Variants in ZDHHC14 observed in about 807,000 individuals in gnomAD.
The protein encoded by ZDHHC14 is zDHHC palmitoyltransferase 14.
A neutral mutation model predicts 47.7 loss-of-function variants in ZDHHC14; 16 were observed. The ratio of observed to expected loss-of-function variants is 0.34; its 90% CI spans 0.23 to 0.51. The LOEUF (loss-of-function observed/expected upper bound fraction) is 0.51, where lower values mean the gene tolerates loss of function less well. Among genes scored for constraint, ZDHHC14 ranks in the 20% least tolerant of loss-of-function variants. ZDHHC14 has a pLI of 0.97. For synonymous variants in ZDHHC14, 293 were observed against 278.9 expected (o/e 1.05, Z -0.50); for missense variants, 515 against 662.5 (o/e 0.78, Z 2.44).
chr6:157,634,686 A>T (rs1315911040), intron 5 of ZDHHC14, among the ~76,000 whole-genome samples: 4 of 152,206 alleles, frequency 2.6e-5, no homozygotes, highest in Non-Finnish European at 5.9e-5. Flanking sequence ...GAAGCCTCAC[A>T]TATGTGGCAG....
intron 1 of ZDHHC14, among the ~76,000 whole-genome samples, chr6:157,398,086 C>T (rs1453837742): frequency 7.0e-6 from 1 of 141,936 alleles, no homozygotes; most frequent in Non-Finnish European, 1.5e-5. Flanking sequence ...AGCTCCCCAG[C>T]CCCCCCCGGC....
chr6:157,652,237 C>T (rs1279796334), intron 7 of ZDHHC14, among the ~76,000 whole-genome samples: 1 of 152,170 alleles, frequency 6.6e-6, no homozygotes, highest in Non-Finnish European at 1.5e-5. Flanking sequence ...TGTTCTGCCA[C>T]TTGAAGACCT....
intron 2 of ZDHHC14, among the ~76,000 whole-genome samples, chr6:157,546,992 C>G (rs1411384179): frequency 6.6e-6 from 1 of 152,194 alleles, no homozygotes; most frequent in African/African-American, 2.4e-5. Flanking sequence ...CCACAGTAAC[C>G]CAGATACCAT....
intron 1 of ZDHHC14, among the ~76,000 whole-genome samples, chr6:157,421,738 G>T (rs111721519): frequency 0.011 from 1,707 of 151,950 alleles, 38 homozygotes; most frequent in African/African-American, 0.04. Flanking sequence ...CTCCTAAGTA[G>T]CTGGGATTAT....
At chr6:157,648,199 T>C (rs983799145) in intron 7 of ZDHHC14, among the ~76,000 whole-genome samples, 3 of 152,196 alleles carry the variant, frequency 2.0e-5, no homozygotes, top group Admixed American at 1.3e-4. Flanking sequence ...CAAACCATGA[T>C]CAACAAATAG....
intron 2 of ZDHHC14, among the ~76,000 whole-genome samples, chr6:157,564,332 C>T (rs1457438784): frequency 1.3e-5 from 2 of 152,184 alleles, no homozygotes; most frequent in African/African-American, 4.8e-5. Flanking sequence ...GAGCAGGTCT[C>T]TTTCTTTTCC....
intron 5 of ZDHHC14, among the ~76,000 whole-genome samples, chr6:157,645,122 C>T (rs1777457532): frequency 1.3e-5 from 2 of 152,106 alleles, no homozygotes; most frequent in South Asian, 2.1e-4. Context: ...ACCCCTCACC[C>T]TGACGTCACT....
intron 1 of ZDHHC14, among the ~76,000 whole-genome samples, chr6:157,482,586 T>A (rs776526386): frequency 6.6e-6 from 1 of 151,930 alleles, no homozygotes; most frequent in South Asian, 2.1e-4. Flanking sequence ...TATTTCTCCC[T>A]TAAATAATCT....
chr6:157,657,560 G>T (rs1471253907), intron 8 of ZDHHC14, among the ~76,000 whole-genome samples: 1 of 152,182 alleles, frequency 6.6e-6, no homozygotes, highest in Non-Finnish European at 1.5e-5. Context: ...TCAGGATCAA[G>T]GTCTTGCTTT....
chr6:157,635,745 C>G (rs1405492334), intron 5 of ZDHHC14, among the ~76,000 whole-genome samples: 1 of 152,136 alleles, frequency 6.6e-6, no homozygotes, highest in African/African-American at 2.4e-5. Flanking sequence ...AGGAAGCAAG[C>G]GTGGCAGTAG....
chr6:157,394,162 G>A (rs1483511478), intron 1 of ZDHHC14, among the ~76,000 whole-genome samples: 5 of 152,058 alleles, frequency 3.3e-5, no homozygotes, highest in Admixed American at 2.0e-4. Flanking sequence ...CACCCTTCCC[G>A]CCTACCCACC....
At chr6:157,578,238 A>G (rs907689553) in intron 2 of ZDHHC14, among the ~76,000 whole-genome samples, 2 of 152,132 alleles carry the variant, frequency 1.3e-5, no homozygotes, top group Admixed American at 6.5e-5. Flanking sequence ...TGCAATTGCT[A>G]TTGGTGTCTT....
At chr6:157,469,808 C>T (rs1366567983) in intron 1 of ZDHHC14, among the ~76,000 whole-genome samples, 3 of 152,154 alleles carry the variant, frequency 2.0e-5, no homozygotes, top group South Asian at 2.1e-4. Flanking sequence ...ACCAGGTGCC[C>T]GGAAGTGGAG....
chr6:157,451,407 G>C (rs1778800038), intron 1 of ZDHHC14, among the ~76,000 whole-genome samples: 1 of 152,168 alleles, frequency 6.6e-6, no homozygotes, highest in South Asian at 2.1e-4. Context: ...ATTCCAAAAG[G>C]GCAGTGTATC....
chr6:157,452,893 C>A (rs1333800209), intron 1 of ZDHHC14, among the ~76,000 whole-genome samples: 2 of 151,816 alleles, frequency 1.3e-5, no homozygotes, highest in Admixed American at 1.3e-4. Context: ...TTAGTAGAGA[C>A]AGGGTTTCAC....
At chr6:157,661,640 C>T (rs1158324593) in intron 8 of ZDHHC14, among the ~76,000 whole-genome samples, 1 of 152,162 alleles carries the variant, frequency 6.6e-6, no homozygotes, top group Non-Finnish European at 1.5e-5. Context: ...CCTTTGCTGG[C>T]CCTGACACTT....
At chr6:157,458,044 C>G (rs947661843) in intron 1 of ZDHHC14, among the ~76,000 whole-genome samples, 1 of 152,270 alleles carries the variant, frequency 6.6e-6, no homozygotes, top group African/African-American at 2.4e-5. Flanking sequence ...ACCTGCCCCC[C>G]ACTTTCCATC....
intron 1 of ZDHHC14, among the ~76,000 whole-genome samples, chr6:157,410,021 G>A (rs772230308): frequency 3.9e-5 from 6 of 152,046 alleles, no homozygotes; most frequent in Admixed American, 1.3e-4. Flanking sequence ...TAGTAGAGAC[G>A]GGTATCACCA....
intron 2 of ZDHHC14, among the ~76,000 whole-genome samples, chr6:157,571,776 A>ATTTTTTTTTTTTTTTTTT (rs548623336): frequency 8.2e-6 from 1 of 122,518 alleles, no homozygotes; most frequent in Non-Finnish European, 1.7e-5. Context: ...AGGAATCTGT[A>ATTTTTTTTTTTTTTTTTT]TTTTTTTTTT....
Sources: allele counts gnomAD v4.1 joint callset (sites outside exome capture counted in the v4.1 genomes callset), GRCh38; gene constraint gnomAD v4.1.1; transcripts MANE v1.5; gene names NCBI Gene and HGNC (gene_info 2026-07-23, HGNC 2026-07-21).